The following ARMC9 variants were observed in gnomAD, a reference collection of about 807,000 sequenced individuals.
ARMC9 encodes the protein armadillo repeat containing 9.
ARMC9 carries 94 observed loss-of-function variants against 107.0 expected under a neutral mutation model. The observed-to-expected ratio is 0.88, with a 90% CI of 0.74 to 1.04. ARMC9 has a LOEUF of 1.04. Ranked by LOEUF, ARMC9 falls within the 50% of genes least tolerant of loss-of-function variation. ARMC9 has a pLI of 0.00. For synonymous variants in ARMC9, 380 were observed against 396.9 expected, an observed-to-expected ratio of 0.96 and a Z score of 0.51; for missense variants, 942 against 1,030.1, an observed-to-expected ratio of 0.91 and a Z score of 1.17.
intron 23 of ARMC9, among the ~76,000 whole-genome samples, chr2:231,367,599 G>A (rs1046176648): frequency 6.6e-6 from 1 of 152,174 alleles, no homozygotes; most frequent in Non-Finnish European, 1.5e-5. Flanking sequence ...TTTTTACTAG[G>A]TTTCCTGTTG....
At chr2:231,271,273 T>G (rs896048626) in intron 13 of ARMC9, among the ~76,000 whole-genome samples, 2 of 152,256 alleles carry the variant, frequency 1.3e-5, no homozygotes, top group East Asian at 1.9e-4. Context: ...GGACAGTTTT[T>G]GGGGTTTATT....
intron 22 of ARMC9, among the ~76,000 whole-genome samples, chr2:231,357,172 T>A (rs2045376099): frequency 6.6e-6 from 1 of 152,216 alleles, no homozygotes; most frequent in Non-Finnish European, 1.5e-5. Context: ...TGACAAAGTC[T>A]GGGCCCAGGC....
chr2:231,323,030 ATTC>A (rs772562638), intron 19 of ARMC9, among the ~76,000 whole-genome samples: 31 of 152,140 alleles, frequency 2.0e-4, no homozygotes, highest in Non-Finnish European at 4.3e-4. Flanking sequence ...GGCTAGCAGA[ATTC>A]TTTCCCCGAG....
At chr2:231,292,598 T>C (rs1183939280) in intron 18 of ARMC9, among the ~76,000 whole-genome samples, 1 of 152,114 alleles carries the variant, frequency 6.6e-6, no homozygotes, top group Non-Finnish European at 1.5e-5. Context: ...GCAGAGGTGG[T>C]AGGGAAAGCT....
chr2:231,323,157 C>T (rs927874293), intron 19 of ARMC9, among the ~76,000 whole-genome samples: 1 of 152,034 alleles, frequency 6.6e-6, no homozygotes, highest in Non-Finnish European at 1.5e-5. Context: ...CCACTGCACT[C>T]CAACGTGAGC....
rs530912682 is a variant in ARMC9 at position 231,369,094 on chromosome 2, C to G, written c.2262-859C>G. On this transcript the variant is annotated intron_variant, in intron 23 of 24. Coordinates refer to ENST00000611582, the MANE Select transcript of ARMC9 (RefSeq NM_001352754.2). ...AGGATATGTCCTCACTGAATTCTCA[C>G]AGCTGTTCCTTAGACATTTTACAGG... Among the ~76,000 whole-genome samples, 6 of 152,274 alleles carry G rather than the reference C, an allele frequency of 3.9e-5. No homozygotes were observed. The South Asian group carries it at 1.2e-3, about 32-fold the overall frequency.
intron 5 of ARMC9, among the ~76,000 whole-genome samples, chr2:231,220,900 T>G (rs2034057638): frequency 6.6e-6 from 1 of 152,248 alleles, no homozygotes. Flanking sequence ...GCAATCTAAC[T>G]GGAAGTCTGT....
At chr2:231,204,913 G>T (rs1169146366) in intron 1 of ARMC9, among the ~76,000 whole-genome samples, 3 of 152,072 alleles carry the variant, frequency 2.0e-5, no homozygotes, top group African/African-American at 7.2e-5. Context: ...GGCTTTGGGA[G>T]TTGAGCCTAA....
At chr2:231,229,791 TTTTCA>T (rs2035034575) in intron 7 of ARMC9, among the ~76,000 whole-genome samples, 1 of 152,194 alleles carries the variant, frequency 6.6e-6, no homozygotes, top group African/African-American at 2.4e-5. Context: ...TAATTTTAGC[TTTTCA>T]TAGTGGGTGA....
intron 20 of ARMC9, among the ~76,000 whole-genome samples, chr2:231,340,061 A>G (rs1409165275): frequency 5.3e-5 from 8 of 152,072 alleles, no homozygotes; most frequent in Non-Finnish European, 7.3e-5. Flanking sequence ...TATACATTCT[A>G]TAAGTTTTAT....
intron 19 of ARMC9, among the ~76,000 whole-genome samples, chr2:231,331,128 C>T (rs988682118): frequency 1.3e-5 from 2 of 152,070 alleles, no homozygotes; most frequent in East Asian, 1.9e-4. Context: ...GGTGACAGAG[C>T]GAGACCCTAT....
chr2:231,351,240 A>C (rs927987245), intron 21 of ARMC9, among the ~76,000 whole-genome samples: 1 of 151,048 alleles, frequency 6.6e-6, no homozygotes, highest in Admixed American at 6.6e-5. Flanking sequence ...GGTGTGAGCC[A>C]CTGCACCCGG....
intron 24 of ARMC9, 40 bp downstream of exon 24, chr2:231,370,165 A>G (rs935043291): frequency 6.8e-7 from 1 of 1,467,742 alleles, no homozygotes; most frequent in Non-Finnish European, 9.0e-7. Flanking sequence ...GAGCCTGGCC[A>G]CCCGCCAACC....
intron 6 of ARMC9, among the ~76,000 whole-genome samples, chr2:231,225,697 G>A (rs2034573357): frequency 6.6e-6 from 1 of 152,222 alleles, no homozygotes; most frequent in Non-Finnish European, 1.5e-5. Context: ...AAGTATATTA[G>A]TGGTTGCCAG....
rs1344290337 is a variant in ARMC9 at position 231,375,693 on chromosome 2, A to G, written c.*4158A>G. 2.0e-5 allele frequency among the ~76,000 whole-genome samples: 3 copies of G among 152,216 alleles called. No homozygotes were observed. Among genetic ancestry groups the G allele is most frequent in the Non-Finnish European group, 4.4e-5 (3 of 68,042 alleles). ...CCAGCCCCAGGTTGAAACATCAGGC[A>G]GGTTTCTAGGAAATGGTTGCAAAAT... On this transcript the variant is annotated 3_prime_UTR_variant, in exon 25 of 25. Transcript: ENST00000611582. The surrounding 1 kb of genome is among the most constrained non-coding windows in gnomAD (Gnocchi z 4.3).
At chr2:231,242,493 G>A (rs1190503945) in intron 9 of ARMC9, among the ~76,000 whole-genome samples, 1 of 152,154 alleles carries the variant, frequency 6.6e-6, no homozygotes, top group Non-Finnish European at 1.5e-5. Flanking sequence ...TCTTAGAAAA[G>A]TAACTTCCTC....
In ARMC9 at chr2:231,367,129, C is replaced by T. The variant is rs373479827; in HGVS notation, c.2262-2824C>T. 2.6e-5 allele frequency among the ~76,000 whole-genome samples: 4 copies of T among 152,158 alleles called. 1 individual carries two copies. Among genetic ancestry groups the T allele is most frequent in the African/African-American group, 4.8e-5 (2 of 41,562 alleles). On this transcript the variant is annotated intron_variant, in intron 23 of 24. Coordinates refer to ENST00000611582, the MANE Select transcript of ARMC9 (RefSeq NM_001352754.2). ...CCTCCCAAAGTGCTGGGATTACAGGCGTGAGCCACCATGCCCGGCCAACAA... is the reference window on the plus strand; with the variant it reads ...CCTCCCAAAGTGCTGGGATTACAGGTGTGAGCCACCATGCCCGGCCAACAA...
chr2:231,225,329 G>T (rs1289768231), intron 6 of ARMC9, among the ~76,000 whole-genome samples: 1 of 152,128 alleles, frequency 6.6e-6, no homozygotes, highest in South Asian at 2.1e-4. Context: ...GGTCCAGGCT[G>T]TACACCCAAG....
Position 231,273,035 on chromosome 2 carries a change from A to G in ARMC9, c.1291A>G (p.Thr431Ala). ...RLKEEDKDII[T>A]RENVLGALQK... ...GAAGGAGGAGGACAAGGATATCATC[A>G]CCAGGGAGAATGTTCTTGGGGCCCT... Residue 431 changes from threonine to alanine, a missense_variant, in exon 14 of 25, where the codon ACC (threonine) becomes GCC (alanine). Thr to Ala is a moderately conservative substitution (Grantham distance 58). Coordinates refer to ENST00000611582, the MANE Select transcript of ARMC9 (RefSeq NM_001352754.2). 1.5e-5 allele frequency: 24 copies of G among 1,613,948 alleles called. No homozygotes were observed. Among genetic ancestry groups the G allele is most frequent in the Non-Finnish European group, 2.0e-5 (24 of 1,179,908 alleles).
Sources: gnomAD v4.1 joint callset for allele counts (sites outside exome capture counted in the v4.1 genomes callset) on GRCh38, gnomAD v4.1.1 for gene constraint, Gnocchi (gnomAD v3.1) non-coding constraint, MANE v1.5 for transcripts, NCBI Gene and HGNC (gene_info 2026-07-23, HGNC 2026-07-21) for gene names.